DNER: variants seen among roughly 807,000 people sequenced by gnomAD.
DNER encodes the protein delta/notch like EGF repeat containing.
A neutral mutation model predicts 78.2 loss-of-function variants in DNER; 33 were observed. The observed-to-expected ratio is 0.42, with a 90% CI of 0.32 to 0.56. The LOEUF (loss-of-function observed/expected upper bound fraction) is 0.56. Among genes scored for constraint, DNER ranks in the 20% least tolerant of loss-of-function variants. DNER has a pLI of 0.11. For missense variants in DNER, 918 were observed against 975.3 expected, an observed-to-expected ratio of 0.94 and a Z score of 0.78; for synonymous variants, 417 against 384.8, an observed-to-expected ratio of 1.08 and a Z score of -0.98.
In DNER at chr2:229,683,080, C is replaced by T. The variant is rs182362406; in HGVS notation, c.276+31068G>A. 2.0e-5 allele frequency among the ~76,000 whole-genome samples: 3 copies of T among 152,270 alleles called. 1 individual carries two copies. The highest frequency in any genetic ancestry group is 2.0e-4 in the Admixed American group (3 of 15,304). On this transcript the variant is annotated intron_variant, in intron 1 of 12. Transcript: ENST00000341772. ...ATAGCATAAAGTTTGACTTTTGCCA[C>T]AGGTAAACAAATTAATAAAAATCCA...
intron 6 of DNER, among the ~76,000 whole-genome samples, chr2:229,501,843 A>G (rs1282440990): frequency 6.6e-6 from 1 of 152,142 alleles, no homozygotes; most frequent in Non-Finnish European, 1.5e-5. Context: ...AGAAAATGCA[A>G]TTTTCCTATG....
At chr2:229,594,981 A>C (rs1402177097) in intron 1 of DNER, among the ~76,000 whole-genome samples, 1 of 126,988 alleles carries the variant, frequency 7.9e-6, no homozygotes, top group Non-Finnish European at 1.6e-5. Context: ...AAAAAAAAAA[A>C]AAAAAAACTC....
intron 8 of DNER, among the ~76,000 whole-genome samples, chr2:229,446,255 C>T (rs2106361705): frequency 6.6e-6 from 1 of 152,284 alleles, no homozygotes; most frequent in Non-Finnish European, 1.5e-5. Flanking sequence ...GTGATTGCTG[C>T]TGATACAAAA....
intron 6 of DNER, among the ~76,000 whole-genome samples, chr2:229,511,442 G>C (rs545384540): frequency 2.0e-5 from 3 of 152,308 alleles, no homozygotes; most frequent in African/African-American, 2.4e-5. Flanking sequence ...AGAGCATGAA[G>C]TCTACAGCAA....
intron 8 of DNER, among the ~76,000 whole-genome samples, chr2:229,431,180 G>A (rs949124678): frequency 2.0e-5 from 3 of 151,990 alleles, no homozygotes; most frequent in Admixed American, 6.5e-5. Context: ...AAAACCAAAC[G>A]ACCACTATCT....
At chr2:229,549,712 C>T (rs1042460580) in intron 4 of DNER, among the ~76,000 whole-genome samples, 5 of 151,878 alleles carry the variant, frequency 3.3e-5, no homozygotes, top group Admixed American at 1.3e-4. Flanking sequence ...GAGTTCAAGA[C>T]CAGCCTGGCC....
chr2:229,461,847 A>G (rs2154210878), intron 7 of DNER, among the ~76,000 whole-genome samples: 1 of 152,228 alleles, frequency 6.6e-6, no homozygotes, highest in East Asian at 1.9e-4. Context: ...AAGATGATGG[A>G]CATAAGGAAA....
intron 12 of DNER, among the ~76,000 whole-genome samples, 163 bp downstream of exon 12, chr2:229,366,710 T>G (rs1435322698): frequency 6.6e-6 from 1 of 152,212 alleles, no homozygotes; most frequent in African/African-American, 2.4e-5. Context: ...AGGAGTTTGC[T>G]TATCAAGTGG....
At chr2:229,383,536 C>T (rs1476693640) in intron 11 of DNER, among the ~76,000 whole-genome samples, 1 of 152,012 alleles carries the variant, frequency 6.6e-6, no homozygotes, top group Non-Finnish European at 1.5e-5. Context: ...CAAAGACACA[C>T]ATAGGCTCAA....
chr2:229,502,250 C>T (rs13035309), intron 6 of DNER, among the ~76,000 whole-genome samples: 106,223 of 151,988 alleles, frequency 0.7, 38,393 homozygotes, highest in African/African-American at 0.9. Context: ...CTCATCCAGG[C>T]TCAGAAGGTG....
intron 10 of DNER, among the ~76,000 whole-genome samples, chr2:229,394,598 G>A (rs991732348): frequency 6.6e-6 from 1 of 152,116 alleles, no homozygotes; most frequent in South Asian, 2.1e-4. Context: ...CCTTTTAGAC[G>A]CTTGTGTGTG....
intron 1 of DNER, among the ~76,000 whole-genome samples, chr2:229,621,751 A>G (rs1698254731): frequency 6.6e-6 from 1 of 152,056 alleles, no homozygotes; most frequent in Non-Finnish European, 1.5e-5. Context: ...GGGCCTTTTG[A>G]GCTCAGAAGG....
chr2:229,591,449 T>G lies in DNER; in HGVS notation c.585+131A>C. 1 of 1,109,094 alleles carries G rather than the reference T, an allele frequency of 9.0e-7. No homozygotes were observed. Among genetic ancestry groups the G allele is most frequent in the East Asian group, 2.6e-5 (1 of 38,202 alleles). The allele number at this position is 1,109,094 out of a possible 1,614,324, so 68.7% of individuals were successfully genotyped here. A position where few individuals can be genotyped will look rare whatever the true frequency, so the allele number is the denominator to read the frequency against. ...CACACAAATGCAGACAGGAATAAGT[T>G]TAGGGAGATATTTTGCTTCGTGATT... On this transcript the variant is annotated intron_variant, in intron 2 of 12. Transcript: ENST00000341772. The surrounding 1 kb of genome is among the most constrained non-coding windows in gnomAD (Gnocchi z 4.6).
chr2:229,586,570 G>T, intron 3 of DNER: 1 of 296,220 alleles, frequency 3.4e-6, no homozygotes, highest in Non-Finnish European at 4.6e-6. Flanking sequence ...CCACCCCACA[G>T]AGAATAGGAT....
At chr2:229,701,091 T>G (rs1046583505) in intron 1 of DNER, among the ~76,000 whole-genome samples, 3 of 152,186 alleles carry the variant, frequency 2.0e-5, no homozygotes, top group Admixed American at 1.3e-4. Context: ...CAGTGATTAG[T>G]GCAGAGGGAT....
intron 4 of DNER, among the ~76,000 whole-genome samples, chr2:229,570,717 G>T (rs1697203980): frequency 6.6e-6 from 1 of 152,050 alleles, no homozygotes; most frequent in South Asian, 2.1e-4. Flanking sequence ...GAGGAGAAGC[G>T]GGGTTGCAGT....
At position 229,572,123 on chromosome 2, in the gene DNER, C is replaced by A. The variant is rs55804844; in HGVS notation, c.847+13735G>T. Among the ~76,000 whole-genome samples the A allele has an allele frequency of 2.5e-3, 381 of 152,322 alleles. 1 individual carries two copies. The highest frequency in any genetic ancestry group is 8.9e-3 in the African/African-American group (368 of 41,562). On this transcript the variant is annotated intron_variant, in intron 4 of 12. Transcript: ENST00000341772. ...GCCAAATTGTCCTATTATTTCTAAACAGAGCATTCTCCCTCCCGTGTTGTT... is the reference window on the plus strand; with the variant it reads ...GCCAAATTGTCCTATTATTTCTAAAAAGAGCATTCTCCCTCCCGTGTTGTT...
In DNER at chr2:229,659,750, C is replaced by T. The variant is rs932941518; in HGVS notation, c.276+54398G>A. 2.6e-5 allele frequency among the ~76,000 whole-genome samples: 4 copies of T among 152,252 alleles called. No homozygotes were observed. In the East Asian group the frequency reaches 7.7e-4, roughly 29 times the overall value. Reference sequence around the variant, plus strand: ...GATCCCTCCAAGAGCCAAAATTTTACTATTGTTTAATAGGATAACCTGTAC... The same window carrying T: ...GATCCCTCCAAGAGCCAAAATTTTATTATTGTTTAATAGGATAACCTGTAC... On this transcript the variant is annotated intron_variant, in intron 1 of 12. Transcript: ENST00000341772.
At chr2:229,441,936 G>A (rs1270900222) in intron 8 of DNER, among the ~76,000 whole-genome samples, 1 of 152,110 alleles carries the variant, frequency 6.6e-6, no homozygotes, top group Admixed American at 6.5e-5. Flanking sequence ...TCAGTTCTCA[G>A]CATCATCATG....
Sources: allele counts gnomAD v4.1 joint callset (sites outside exome capture counted in the v4.1 genomes callset), GRCh38; gene constraint gnomAD v4.1.1; non-coding constraint Gnocchi (gnomAD v3.1); transcripts MANE v1.5; gene names NCBI Gene and HGNC (gene_info 2026-07-23, HGNC 2026-07-21).